Variants in FARS2 observed in about 807,000 individuals in gnomAD.
The protein encoded by FARS2 is phenylalanyl-tRNA synthetase 2, mitochondrial.
In FARS2, 40 loss-of-function variants were observed where a neutral mutation model predicts 46.4. That is an observed-to-expected ratio of 0.86 (90% CI 0.67 to 1.12). The LOEUF is 1.12. FARS2 is among the 50% of genes most tolerant of loss of function. The pLI, the probability that FARS2 is intolerant of heterozygous loss-of-function variation, is 0.00. For synonymous variants in FARS2, 234 were observed against 214.9 expected (o/e 1.09, Z -0.78); for missense variants, 513 against 567.9 (o/e 0.90, Z 0.98).
At chr6:5,605,558 C>T (rs1774784741) in intron 5 of FARS2, among the ~76,000 whole-genome samples, 1 of 152,156 alleles carries the variant, frequency 6.6e-6, no homozygotes, top group South Asian at 2.1e-4. Flanking sequence ...AGCAGAGGAA[C>T]CATAAAAACC....
intron 4 of FARS2, among the ~76,000 whole-genome samples, chr6:5,466,230 CT>C (rs1324057556): frequency 6.6e-6 from 1 of 152,186 alleles, no homozygotes; most frequent in African/African-American, 2.4e-5. Context: ...ATTTAATTTG[CT>C]TCTCATCTGC....
chr6:5,574,665 T>G (rs903468370), intron 5 of FARS2, among the ~76,000 whole-genome samples: 1 of 152,202 alleles, frequency 6.6e-6, no homozygotes, highest in Non-Finnish European at 1.5e-5. Context: ...ATACTGAGCT[T>G]TAGTTCCTAG....
chr6:5,502,897 T>A (rs1048047597), intron 4 of FARS2, among the ~76,000 whole-genome samples: 6 of 151,666 alleles, frequency 4.0e-5, no homozygotes, highest in Admixed American at 3.3e-4. Context: ...TTAATTCGAA[T>A]TTTTTTTTGT....
chr6:5,259,340 C>A (rs980900087), upstream of FARS2, among the ~76,000 whole-genome samples: 1 of 145,946 alleles, frequency 6.9e-6, no homozygotes, highest in African/African-American at 2.7e-5. Context: ...TTAATTCTTG[C>A]TAAAATTCCA....
At chr6:5,325,033 A>AT (rs1193150115) in intron 1 of FARS2, among the ~76,000 whole-genome samples, 2 of 152,146 alleles carry the variant, frequency 1.3e-5, no homozygotes, top group African/African-American at 2.4e-5. Flanking sequence ...AAATTTCACC[A>AT]TTTATCAAAA....
At chr6:5,739,548 G>A (rs1220408436) in intron 6 of FARS2, among the ~76,000 whole-genome samples, 1 of 152,160 alleles carries the variant, frequency 6.6e-6, no homozygotes, top group Non-Finnish European at 1.5e-5. Context: ...GGGGCCCTCA[G>A]GTGCCCAGTG....
intron 1 of FARS2, among the ~76,000 whole-genome samples, chr6:5,294,632 T>A (rs1411615713): frequency 1.3e-5 from 2 of 152,218 alleles, no homozygotes; most frequent in Admixed American, 1.3e-4. Flanking sequence ...TGGGTGTGGT[T>A]AATTTTCTGG....
At chr6:5,276,515 A>G (rs9328291) in intron 1 of FARS2, among the ~76,000 whole-genome samples, 15,809 of 152,228 alleles carry the variant, frequency 0.1, 2,019 homozygotes, top group African/African-American at 0.31. Flanking sequence ...TTTGATAACA[A>G]TAATCTGTGA....
At chr6:5,608,483 A>G (rs1412583902) in intron 5 of FARS2, among the ~76,000 whole-genome samples, 2 of 152,166 alleles carry the variant, frequency 1.3e-5, no homozygotes, top group South Asian at 2.1e-4. Flanking sequence ...ATATTCACCT[A>G]TGACTTCTAA....
intron 1 of FARS2, among the ~76,000 whole-genome samples, chr6:5,320,639 T>A (rs948481937): frequency 6.6e-6 from 1 of 152,230 alleles, no homozygotes; most frequent in Non-Finnish European, 1.5e-5. Flanking sequence ...AAATAATTGA[T>A]GTATTTTGGT....
In FARS2 at chr6:5,727,498, A is replaced by G. The variant is rs574988488; in HGVS notation, c.1218-43793A>G. Among the ~76,000 whole-genome samples the G allele has an allele frequency of 6.6e-6, 1 of 152,326 alleles. No individual in the cohort carries two copies. Among genetic ancestry groups the G allele is most frequent in the East Asian group, 1.9e-4 (1 of 5,192 alleles). ...AATGCCACGCTAGCGGGTTTCGGGT[A>G]ACTGAAGAAAGTGCATTCCGCGGTC... On this transcript the variant is annotated intron_variant, in intron 6 of 6. Coordinates refer to ENST00000274680, the MANE Select transcript of FARS2 (RefSeq NM_006567.5). The surrounding 1 kb of genome is among the most constrained non-coding windows in gnomAD (Gnocchi z 4.1).
chr6:5,356,070 CTG>C (rs1164702721), intron 1 of FARS2, among the ~76,000 whole-genome samples: 11 of 152,348 alleles, frequency 7.2e-5, no homozygotes, highest in African/African-American at 2.2e-4. Context: ...AGCTCTCAAA[CTG>C]TAAACAAGTG....
rs1163823122 is a variant in FARS2, at chr6:5,496,017, T to A, written c.905-49163T>A. ...TTGTTAAAATCATCTCAAATTACTA[T>A]GACCTGCTTTTCCCCTAGGATCCCT... On this transcript the variant is annotated intron_variant, in intron 4 of 6. Transcript: ENST00000274680. 2.6e-5 allele frequency among the ~76,000 whole-genome samples: 4 copies of A among 152,344 alleles called. No individual in the cohort carries two copies. The East Asian group carries it at 7.7e-4, about 29-fold the overall frequency.
At chr6:5,427,756 C>T (rs1361571761) in intron 3 of FARS2, among the ~76,000 whole-genome samples, 1 of 151,860 alleles carries the variant, frequency 6.6e-6, no homozygotes, top group East Asian at 1.9e-4. Flanking sequence ...ACGTTGTTAC[C>T]AAAAAAGACA....
intron 5 of FARS2, among the ~76,000 whole-genome samples, chr6:5,581,603 C>T (rs931268325): frequency 6.6e-6 from 1 of 152,132 alleles, no homozygotes; most frequent in Non-Finnish European, 1.5e-5. Flanking sequence ...GTTGAAACTG[C>T]TGTTAATGCT....
intron 5 of FARS2, among the ~76,000 whole-genome samples, chr6:5,574,942 C>T (rs937294540): frequency 6.9e-6 from 1 of 145,416 alleles, no homozygotes; most frequent in South Asian, 2.1e-4. Context: ...CTATATATTC[C>T]GTTTACGTTT....
intron 1 of FARS2, among the ~76,000 whole-genome samples, chr6:5,308,996 C>T (rs183468542): frequency 1.3e-5 from 2 of 152,176 alleles, no homozygotes; most frequent in Non-Finnish European, 2.9e-5. Context: ...GGGCTTTGCC[C>T]CCGTGATCTA....
chr6:5,279,034 T>C (rs67285271), intron 1 of FARS2, among the ~76,000 whole-genome samples: 1 of 151,824 alleles, frequency 6.6e-6, no homozygotes, highest in South Asian at 2.1e-4. Context: ...GAAAGAGAAC[T>C]TGAACTGAGG....
rs145555213 is a variant in FARS2 at position 5,368,994 on chromosome 6, G to T, written c.424G>T (p.Asp142Tyr). 1 of 1,614,168 alleles carries T rather than the reference G, an allele frequency of 6.2e-7. No homozygotes were observed. Among genetic ancestry groups the T allele is most frequent in the East Asian group, 2.2e-5 (1 of 44,882 alleles). The change falls in exon 2 of 7, where the codon GAC becomes TAC. Residue 142 changes from aspartate to tyrosine, a missense_variant. Transcript: ENST00000274680. ...PADHPSRKKG[D>Y]NYYLNRTHML... ...TGATCACCCCAGCAGGAAGAAGGGG[G>T]ACAACTATTACCTGAATCGGACTCA...
Sources: gnomAD v4.1 joint callset for allele counts (sites outside exome capture counted in the v4.1 genomes callset) on GRCh38, gnomAD v4.1.1 for gene constraint, Gnocchi (gnomAD v3.1) non-coding constraint, MANE v1.5 for transcripts, NCBI Gene and HGNC (gene_info 2026-07-23, HGNC 2026-07-21) for gene names.